The following KLF8 variants were observed in gnomAD, a reference collection of about 807,000 sequenced individuals.
KLF8 encodes the protein Krueppel-like factor 8.
Under a neutral mutation model 18.2 loss-of-function variants are expected in KLF8, and 10 were observed. The ratio of observed to expected loss-of-function variants is 0.55; its 90% CI spans 0.34 to 0.93. The LOEUF is 0.93. KLF8 is among the 40% of genes least tolerant of loss of function. The probability of loss-of-function intolerance (pLI) is 0.02; values close to 1 mark genes in which losing one functional copy is unlikely to be tolerated. For synonymous variants in KLF8, 109 were observed against 97.3 expected (o/e 1.12, Z -0.71); for missense variants, 264 against 277.9 (o/e 0.95, Z 0.36).
the KLF8 span, chrX:55,908,810 T>A: frequency 4.1e-6 from 1 of 243,216 alleles, no homozygotes; most frequent in Admixed American, 6.7e-5. Context: ...AGTAAGTTCC[T>A]TTTATTTTGC....
chrX:56,232,334 C>T (rs2066410120), upstream of KLF8: 1 of 104,333 alleles, frequency 9.6e-6, no homozygotes, highest in South Asian at 4.6e-4. Flanking sequence ...CTTCTCAGCC[C>T]CACCCTTCTC....
the KLF8 span, among the ~76,000 whole-genome samples, chrX:55,946,387 A>G: frequency 8.9e-6 from 1 of 111,930 alleles, no homozygotes; most frequent in Non-Finnish European, 1.9e-5. Flanking sequence ...AAATGGGGAA[A>G]GGATTCCCTA....
At chrX:56,204,762 C>T in the KLF8 span, among the ~76,000 whole-genome samples, 1 of 110,958 alleles carries the variant, frequency 9.0e-6, no homozygotes, top group Admixed American at 9.7e-5. Context: ...ATGTAAGTTG[C>T]CCAGCAAAAT....
the KLF8 span, among the ~76,000 whole-genome samples, chrX:56,167,377 G>T: frequency 8.9e-6 from 1 of 111,854 alleles, no homozygotes; most frequent in Non-Finnish European, 1.9e-5. Flanking sequence ...TGATCTGCTC[G>T]TCTATGCCTC....
the KLF8 span, among the ~76,000 whole-genome samples, chrX:55,989,839 C>T: frequency 9.0e-6 from 1 of 111,056 alleles, no homozygotes; most frequent in Non-Finnish European, 1.9e-5. Context: ...GTCCTGGACT[C>T]TTTTTGGTTG....
the KLF8 span, among the ~76,000 whole-genome samples, chrX:56,027,304 A>G: frequency 9.0e-6 from 1 of 111,665 alleles, no homozygotes; most frequent in African/African-American, 3.3e-5. Flanking sequence ...TCTGCCCAGG[A>G]GTTTCCTCGG....
At chrX:56,149,132 C>G in the KLF8 span, among the ~76,000 whole-genome samples, 2 of 111,480 alleles carry the variant, frequency 1.8e-5, no homozygotes, top group Admixed American at 9.6e-5. Context: ...ATGTTGAGTC[C>G]TAGAACTAGA....
intron 2 of KLF8, among the ~76,000 whole-genome samples, chrX:56,261,627 GTCT>G (rs2066883665): frequency 9.0e-6 from 1 of 110,985 alleles, no homozygotes; most frequent in Non-Finnish European, 1.9e-5. Flanking sequence ...AGACTTGAAG[GTCT>G]TCTTCAGAAC....
chrX:55,945,710 T>C, the KLF8 span, among the ~76,000 whole-genome samples: 3 of 111,160 alleles, frequency 2.7e-5, no homozygotes, highest in East Asian at 8.5e-4. Flanking sequence ...TCCCTGTTTG[T>C]AGATGACATG....
At chrX:56,227,272 A>C in the KLF8 span, among the ~76,000 whole-genome samples, 1 of 112,154 alleles carries the variant, frequency 8.9e-6, no homozygotes, top group Non-Finnish European at 1.9e-5. Flanking sequence ...AGTGATAAAA[A>C]AGTTCCTGTT....
At chrX:56,076,556 T>G in the KLF8 span, among the ~76,000 whole-genome samples, 1 of 111,188 alleles carries the variant, frequency 9.0e-6, no homozygotes, top group Non-Finnish European at 1.9e-5. Context: ...GACATTTGGG[T>G]TGGTTCCAAG....
At chrX:56,091,931 A>G in the KLF8 span, among the ~76,000 whole-genome samples, 1 of 109,203 alleles carries the variant, frequency 9.2e-6, no homozygotes, top group South Asian at 3.9e-4. Context: ...ACTCCCACCA[A>G]CAGTGTATAA....
chrX:56,243,588 G>A lies in KLF8; in HGVS notation c.8-6643G>A, dbSNP rs948896150. On this transcript the variant is annotated intron_variant, in intron 1 of 5. Coordinates refer to ENST00000468660, the MANE Select transcript of KLF8 (RefSeq NM_007250.5). ...GTCTCACTCTGTCTCCCAGACTAGA[G>A]TGCAATGGTGCGACCTCAGCTCACT... Among the ~76,000 whole-genome samples, 26 of 89,454 alleles carry A rather than the reference G, an allele frequency of 2.9e-4. 1 individual carries two copies. Among genetic ancestry groups the A allele is most frequent in the Admixed American group, 2.6e-3 (19 of 7,299 alleles). The allele number at this position is 89,454 out of a possible 115,157, so 77.7% of individuals were successfully genotyped here.
the KLF8 span, among the ~76,000 whole-genome samples, chrX:56,149,386 A>G: frequency 9.0e-6 from 1 of 110,844 alleles, no homozygotes; most frequent in Non-Finnish European, 1.9e-5. Flanking sequence ...AGCATTGGGT[A>G]CACATGGACA....
At chrX:56,193,129 A>G in the KLF8 span, among the ~76,000 whole-genome samples, 2 of 112,393 alleles carry the variant, frequency 1.8e-5, no homozygotes, top group Non-Finnish European at 3.8e-5. Context: ...TTAGGGAAAA[A>G]TCTTATAATC....
chrX:56,213,479 G>A, the KLF8 span, among the ~76,000 whole-genome samples: 325 of 106,803 alleles, frequency 3.0e-3, no homozygotes, highest in African/African-American at 0.01. Context: ...CCACCACCAC[G>A]TCTGACTAAT....
the KLF8 span, among the ~76,000 whole-genome samples, chrX:56,114,163 C>G: frequency 8.9e-6 from 1 of 112,329 alleles, no homozygotes; most frequent in Non-Finnish European, 1.9e-5. Flanking sequence ...AGCTGCTGTG[C>G]TACACTGTGG....
the KLF8 span, among the ~76,000 whole-genome samples, chrX:56,204,343 A>G: frequency 9.0e-6 from 1 of 111,671 alleles, no homozygotes; most frequent in East Asian, 2.8e-4. Context: ...GCTTTTGCAA[A>G]TATATGATCA....
chrX:56,272,937 T>C (rs1283353535), intron 5 of KLF8, among the ~76,000 whole-genome samples: 2 of 111,543 alleles, frequency 1.8e-5, no homozygotes, highest in African/African-American at 6.5e-5. Flanking sequence ...TTTTATCTCA[T>C]GACATTTCTT....
Sources: allele counts gnomAD v4.1 joint callset (sites outside exome capture counted in the v4.1 genomes callset), GRCh38; gene constraint gnomAD v4.1.1; transcripts MANE v1.5; gene names NCBI Gene and HGNC (gene_info 2026-07-23, HGNC 2026-07-21).